SLC41A2: variants seen among roughly 807,000 people sequenced by gnomAD.
The protein encoded by SLC41A2 is SLC41A1-like 1.
Under a neutral mutation model 58.3 loss-of-function variants are expected in SLC41A2, and 32 were observed. The ratio of observed to expected loss-of-function variants is 0.55; its 90% CI spans 0.41 to 0.74. SLC41A2 has a LOEUF of 0.74. Ranked by LOEUF, SLC41A2 falls within the 30% of genes least tolerant of loss-of-function variation. SLC41A2 has a pLI of 0.00. For synonymous variants in SLC41A2, 190 were observed against 235.0 expected (o/e 0.81, Z 1.75); for missense variants, 514 against 680.6 (o/e 0.76, Z 2.72).
At chr12:104,930,898 G>A (rs1257380685) in intron 1 of SLC41A2, among the ~76,000 whole-genome samples, 3 of 152,186 alleles carry the variant, frequency 2.0e-5, no homozygotes, top group African/African-American at 7.2e-5. Flanking sequence ...CTGGCCAGGG[G>A]GATCCAGATG....
At chr12:104,837,196 C>G (rs2042242853) in intron 10 of SLC41A2, among the ~76,000 whole-genome samples, 1 of 152,110 alleles carries the variant, frequency 6.6e-6, no homozygotes. Context: ...AATACTTATT[C>G]CTAGTCCAGG....
intron 10 of SLC41A2, among the ~76,000 whole-genome samples, chr12:104,841,054 A>G (rs1246852267): frequency 2.0e-5 from 3 of 152,166 alleles, no homozygotes; most frequent in African/African-American, 4.8e-5. Context: ...CAAAAGTAGA[A>G]TAGTATAAAT....
intron 10 of SLC41A2, among the ~76,000 whole-genome samples, chr12:104,838,460 A>C (rs2042288414): frequency 6.6e-6 from 1 of 152,220 alleles, no homozygotes; most frequent in African/African-American, 2.4e-5. Context: ...GAGATGGTGC[A>C]ATTTGCATGT....
intron 3 of SLC41A2, among the ~76,000 whole-genome samples, chr12:104,899,733 T>C (rs2045468921): frequency 6.6e-6 from 1 of 152,188 alleles, no homozygotes; most frequent in South Asian, 2.1e-4. Context: ...AACTCTGTCA[T>C]CTGATAATCC....
rs953915026 is a variant in SLC41A2, at chr12:104,861,243, G to A, written c.1255+48C>T. 6 of 1,362,490 alleles carry A rather than the reference G, an allele frequency of 4.4e-6. No individual in the cohort carries two copies. The East Asian group carries it at 9.4e-5, about 21-fold the overall frequency. The allele number at this position is 1,362,490 out of a possible 1,614,324, so 84.4% of individuals were successfully genotyped here. The stretch of plus-strand genomic sequence containing the variant: ...CTTCTAATAGTACCTAAGACTAAGA[G>A]GATACGAAGATTTGATATTATCATG... On this transcript the variant is annotated intron_variant, in intron 8 of 10. Transcript: ENST00000258538.
intron 1 of SLC41A2, among the ~76,000 whole-genome samples, chr12:104,950,521 T>C (rs927434060): frequency 6.6e-6 from 1 of 152,206 alleles, no homozygotes; most frequent in Non-Finnish European, 1.5e-5. Context: ...TCAGCCAGTC[T>C]TGGGTATTTC....
chr12:104,940,138 C>T (rs1414418522), intron 1 of SLC41A2, among the ~76,000 whole-genome samples: 1 of 151,760 alleles, frequency 6.6e-6, no homozygotes, highest in African/African-American at 2.4e-5. Flanking sequence ...CTCAGCCTCC[C>T]GAGTAGCTGG....
chr12:104,888,984 C>A lies in SLC41A2; in HGVS notation c.880+49G>T, dbSNP rs779347672. On this transcript the variant is annotated intron_variant, in intron 5 of 10. Coordinates refer to ENST00000258538, the MANE Select transcript of SLC41A2 (RefSeq NM_001352171.3). ...AAAAATAGTCATCTTAAGAAATAAA[C>A]CATTTAAATGTAAAAGGCTATAGAG... 4.1e-6 allele frequency: 6 copies of A among 1,462,132 alleles called. No individual in the cohort carries two copies. In the African/African-American group the frequency reaches 8.9e-5, roughly 22 times the overall value. The allele number at this position is 1,462,132 out of a possible 1,614,324, so 90.6% of individuals were successfully genotyped here.
At chr12:104,941,343 T>G (rs2047506430) in intron 1 of SLC41A2, among the ~76,000 whole-genome samples, 1 of 152,142 alleles carries the variant, frequency 6.6e-6, no homozygotes, top group Non-Finnish European at 1.5e-5. Context: ...ACTAAACATT[T>G]GTAAAGCATT....
At chr12:104,923,116 A>C (rs111421950) in intron 2 of SLC41A2, among the ~76,000 whole-genome samples, 8 of 149,708 alleles carry the variant, frequency 5.3e-5, no homozygotes, top group Non-Finnish European at 1.2e-4. Flanking sequence ...TAATCCCAGC[A>C]CTTTGGGAGG....
chr12:104,868,793 A>T (rs2043607706), intron 6 of SLC41A2, among the ~76,000 whole-genome samples: 1 of 152,326 alleles, frequency 6.6e-6, no homozygotes, highest in African/African-American at 2.4e-5. Flanking sequence ...ATACAATTGG[A>T]TGTTACTCTG....
At chr12:104,916,075 T>C (rs557860789) in intron 2 of SLC41A2, among the ~76,000 whole-genome samples, 4 of 152,334 alleles carry the variant, frequency 2.6e-5, no homozygotes, top group African/African-American at 7.2e-5. Flanking sequence ...ATTACATTTA[T>C]TGATTTGCGT....
intron 3 of SLC41A2, among the ~76,000 whole-genome samples, chr12:104,899,283 C>G (rs759216823): frequency 1.3e-5 from 2 of 152,140 alleles, no homozygotes; most frequent in Non-Finnish European, 2.9e-5. Context: ...CAATTAGAAT[C>G]ATTTTTTATT....
At chr12:104,825,660 A>G (rs1165187953) in intron 10 of SLC41A2, among the ~76,000 whole-genome samples, 1 of 152,178 alleles carries the variant, frequency 6.6e-6, no homozygotes, top group African/African-American at 2.4e-5. Flanking sequence ...GAGACACTCT[A>G]AACAGATACA....
chr12:104,841,014 C>A (rs915595563), intron 10 of SLC41A2, among the ~76,000 whole-genome samples: 1 of 152,028 alleles, frequency 6.6e-6, no homozygotes, highest in Non-Finnish European at 1.5e-5. Context: ...ATTTTAAAAA[C>A]TCCTTATTAA....
At chr12:104,907,329 A>G (rs1023273274) in intron 3 of SLC41A2, among the ~76,000 whole-genome samples, 8 of 151,306 alleles carry the variant, frequency 5.3e-5, no homozygotes, top group Non-Finnish European at 8.8e-5. Context: ...AGTCCTTTTA[A>G]TGTTCAATAA....
intron 1 of SLC41A2, among the ~76,000 whole-genome samples, chr12:104,930,343 C>A (rs2249454): frequency 0.71 from 107,828 of 151,946 alleles, 38,876 homozygotes; most frequent in African/African-American, 0.84. Flanking sequence ...ATGTAGTCCC[C>A]GAAAGAGAGA....
intron 10 of SLC41A2, among the ~76,000 whole-genome samples, chr12:104,815,843 A>G (rs2041376310): frequency 6.6e-6 from 1 of 152,226 alleles, no homozygotes; most frequent in African/African-American, 2.4e-5. Context: ...ACAGGAATTC[A>G]GTCTACTTCT....
chr12:104,890,120 A>G (rs948093473), intron 4 of SLC41A2, among the ~76,000 whole-genome samples: 1 of 152,128 alleles, frequency 6.6e-6, no homozygotes, highest in Non-Finnish European at 1.5e-5. Flanking sequence ...TTTGAGTAGA[A>G]TTTCTTGATG....
Sources: gnomAD v4.1 joint callset for allele counts (sites outside exome capture counted in the v4.1 genomes callset) on GRCh38, gnomAD v4.1.1 for gene constraint, MANE v1.5 for transcripts, NCBI Gene and HGNC (gene_info 2026-07-23, HGNC 2026-07-21) for gene names.